Variants in GABRB2 observed in about 807,000 individuals in gnomAD.
GABRB2 encodes gamma-aminobutyric acid type A receptor subunit beta2, also known as gamma-aminobutyric acid receptor subunit beta-2.
In GABRB2, 16 loss-of-function variants were observed where a neutral mutation model predicts 54.7. That is an observed-to-expected ratio of 0.29 (90% CI 0.20 to 0.44). The LOEUF is 0.44. Ranked by LOEUF, GABRB2 falls within the 20% of genes least tolerant of loss-of-function variation. The pLI is 1.00. For synonymous variants in GABRB2, 244 were observed against 233.8 expected, an observed-to-expected ratio of 1.04 and a Z score of -0.40; for missense variants, 355 against 644.0, an observed-to-expected ratio of 0.55 and a Z score of 4.86.
At chr5:161,394,450 A>G (rs961673425) in intron 5 of GABRB2, among the ~76,000 whole-genome samples, 8 of 152,024 alleles carry the variant, frequency 5.3e-5, no homozygotes, top group Non-Finnish European at 8.8e-5. Context: ...AAATTGACAA[A>G]TATCCAGCAA....
chr5:161,419,905 AC>A (rs1756799267), intron 4 of GABRB2, among the ~76,000 whole-genome samples: 1 of 152,218 alleles, frequency 6.6e-6, no homozygotes, highest in African/African-American at 2.4e-5. Context: ...CCCAAGCCTC[AC>A]CATTATGCAA....
Position 161,497,523 on chromosome 5 carries a change from T to C in GABRB2, c.238-37679A>G, listed in dbSNP as rs1437132156. Reference sequence around the variant, plus strand: ...ATTTTGGACTTTGTGTGTGTGAGTGTGTGTATATGTGTGTGTGTGTGTGTG... The same window carrying C: ...ATTTTGGACTTTGTGTGTGTGAGTGCGTGTATATGTGTGTGTGTGTGTGTG... On this transcript the variant is annotated intron_variant, in intron 3 of 9. Transcript: ENST00000393959. 1.3e-4 allele frequency among the ~76,000 whole-genome samples: 13 copies of C among 98,096 alleles called. No individual in the cohort carries two copies. In the Admixed American group the frequency reaches 1.6e-3, roughly 12 times the overall value. 64.4% of individuals were successfully genotyped at this position (98,096 alleles called of 152,430 possible).
chr5:161,493,334 G>A (rs1331431216), intron 3 of GABRB2, among the ~76,000 whole-genome samples: 8 of 151,298 alleles, frequency 5.3e-5, no homozygotes, highest in African/African-American at 2.4e-5. Flanking sequence ...TTTGTTCTAT[G>A]TGTCCCCACC....
chr5:161,524,067 G>T (rs1437532720), intron 3 of GABRB2, among the ~76,000 whole-genome samples: 2 of 151,458 alleles, frequency 1.3e-5, no homozygotes, highest in Middle Eastern at 3.4e-3. Flanking sequence ...GGTTAGAATA[G>T]TCAGAAAAAC....
In GABRB2 at chr5:161,288,846, C is replaced by T. The variant is rs1757155863; in HGVS notation, c.*5235G>A. On this transcript the variant is annotated 3_prime_UTR_variant, in exon 10 of 10. Coordinates refer to ENST00000393959, the MANE Select transcript of GABRB2 (RefSeq NM_001371727.1). ...TAACAGAACTATTTAAACACCCATG[C>T]AAAATAAATTAAAAATGCTGTGAGG... 1 of 151,846 alleles carries T rather than the reference C, an allele frequency of 6.6e-6. No homozygotes were observed. Among genetic ancestry groups the T allele is most frequent in the South Asian group, 2.1e-4 (1 of 4,828 alleles). The allele number at this position is 151,846 out of a possible 1,614,324, so 9.4% of individuals were successfully genotyped here. A position where few individuals can be genotyped will look rare whatever the true frequency, so the allele number is the denominator to read the frequency against.
At chr5:161,348,020 C>T (rs141960929) in intron 5 of GABRB2, among the ~76,000 whole-genome samples, 17 of 152,136 alleles carry the variant, frequency 1.1e-4, no homozygotes, top group African/African-American at 2.4e-4. Flanking sequence ...TTCCTGTCCC[C>T]GCCCTGCTAT....
chr5:161,296,695 G>GT (rs1757390049), intron 9 of GABRB2, among the ~76,000 whole-genome samples: 1 of 152,288 alleles, frequency 6.6e-6, no homozygotes, highest in East Asian at 1.9e-4. Context: ...TCCAATGTGT[G>GT]TTTGGCCCTA....
chr5:161,485,120 T>C (rs1223875756), intron 3 of GABRB2, among the ~76,000 whole-genome samples: 1 of 151,842 alleles, frequency 6.6e-6, no homozygotes, highest in African/African-American at 2.4e-5. Context: ...CTAAAATATA[T>C]ACCACTTTCT....
At chr5:161,512,867 C>CA (rs971044704) in intron 3 of GABRB2, among the ~76,000 whole-genome samples, 3 of 150,020 alleles carry the variant, frequency 2.0e-5, no homozygotes, top group Non-Finnish European at 4.5e-5. Flanking sequence ...ATTAAACAAG[C>CA]AAAAAAAATT....
chr5:161,435,588 G>C (rs1482414454), intron 4 of GABRB2, among the ~76,000 whole-genome samples: 4 of 152,070 alleles, frequency 2.6e-5, no homozygotes, highest in Non-Finnish European at 5.9e-5. Flanking sequence ...TAACCAGAAA[G>C]GAAACTCTTA....
intron 5 of GABRB2, 45 bp from the exon 6 acceptor site, chr5:161,336,814 C>CAAAAAAAAAAAAACAAAAAAA: frequency 1.8e-6 from 2 of 1,105,798 alleles, no homozygotes; most frequent in East Asian, 3.1e-5. Context: ...ATACAGAAAA[C>CAAAAAAAAAAAAACAAAAAAA]AAAAAAAAAA....
rs148464118 is a variant in GABRB2 at position 161,522,107 on chromosome 5, G to A, written c.237+23120C>T. Among the ~76,000 whole-genome samples, 140 of 151,758 alleles carry A rather than the reference G, an allele frequency of 9.2e-4. 1 individual carries two copies. The highest frequency in any genetic ancestry group is 3.2e-3 in the African/African-American group (131 of 41,498). The stretch of plus-strand genomic sequence containing the variant: ...ATCCTATGCTATTTTCAGTAAGAAG[G>A]GTGTCATTTTCTGTATATGAATCTT... On this transcript the variant is annotated intron_variant, in intron 3 of 9. Coordinates refer to ENST00000393959, the MANE Select transcript of GABRB2 (RefSeq NM_001371727.1).
chr5:161,453,012 C>T (rs1010350692), intron 4 of GABRB2, among the ~76,000 whole-genome samples: 28 of 152,060 alleles, frequency 1.8e-4, no homozygotes, highest in Admixed American at 1.8e-3. Flanking sequence ...AAAAAAATTT[C>T]TGTATTTTCT....
chr5:161,333,548 C>T (rs993555439), intron 7 of GABRB2, among the ~76,000 whole-genome samples: 19 of 152,306 alleles, frequency 1.2e-4, no homozygotes, highest in African/African-American at 4.1e-4. Context: ...AATCATGCCA[C>T]TTTTATGCTC....
chr5:161,342,897 T>C lies in GABRB2; in HGVS notation c.542-6128A>G, dbSNP rs868324127. Among the ~76,000 whole-genome samples the C allele has an allele frequency of 2.6e-5, 4 of 152,120 alleles. No individual in the cohort carries two copies. The South Asian group carries it at 8.3e-4, about 31-fold the overall frequency. ...CAAATATTTCAGGGAAGCAGCATGA[T>C]TGAATGTTCAGCCAGAAGGCAAGCA... On this transcript the variant is annotated intron_variant, in intron 5 of 9. Transcript: ENST00000393959.
chr5:161,412,118 C>T (rs559643607), intron 4 of GABRB2, among the ~76,000 whole-genome samples: 6 of 152,156 alleles, frequency 3.9e-5, no homozygotes, highest in Non-Finnish European at 8.8e-5. Flanking sequence ...GAGAAACGAT[C>T]TATAGCTAGA....
intron 4 of GABRB2, among the ~76,000 whole-genome samples, chr5:161,413,562 T>C (rs1756582099): frequency 6.6e-6 from 1 of 152,178 alleles, no homozygotes; most frequent in South Asian, 2.1e-4. Flanking sequence ...TGTTTTTTGT[T>C]TTTTAGTTTG....
At chr5:161,309,064 T>C (rs188155796) in intron 9 of GABRB2, among the ~76,000 whole-genome samples, 3 of 151,834 alleles carry the variant, frequency 2.0e-5, no homozygotes, top group East Asian at 1.9e-4. Context: ...ATCAACAGAG[T>C]AAACAACTTA....
chr5:161,435,794 A>G (rs1467533323), intron 4 of GABRB2, among the ~76,000 whole-genome samples: 1 of 152,226 alleles, frequency 6.6e-6, no homozygotes, highest in Non-Finnish European at 1.5e-5. Flanking sequence ...CTATAGATAT[A>G]GTAGACGTGG....
Sources: allele counts gnomAD v4.1 joint callset (sites outside exome capture counted in the v4.1 genomes callset), GRCh38; gene constraint gnomAD v4.1.1; transcripts MANE v1.5; gene names NCBI Gene and HGNC (gene_info 2026-07-23, HGNC 2026-07-21).